The following DOCK8 variants were observed in gnomAD, a reference collection of about 807,000 sequenced individuals.
DOCK8 encodes the protein dedicator of cytokinesis 8, also known as dedicator of cytokinesis protein 8.
In DOCK8, 141 loss-of-function variants were observed where a neutral mutation model predicts 245.6. That is an observed-to-expected ratio of 0.57 (90% confidence interval 0.50 to 0.66). The LOEUF (loss-of-function observed/expected upper bound fraction) is 0.66. Among genes scored for constraint, DOCK8 ranks in the 30% least tolerant of loss-of-function variants. The pLI, the probability that DOCK8 is intolerant of heterozygous loss-of-function variation, is 0.00. For synonymous variants in DOCK8, 1,168 were observed against 970.2 expected (o/e 1.20, Z -3.79); for missense variants, 2,965 against 2,603.4 (o/e 1.14, Z -3.02).
At chr9:309,651 C>T (rs894483747) in intron 5 of DOCK8, among the ~76,000 whole-genome samples, 2 of 152,228 alleles carry the variant, frequency 1.3e-5, no homozygotes, top group African/African-American at 4.8e-5. Flanking sequence ...AAAGTGGACA[C>T]AGCTTGAATA....
At chr9:443,539 T>G (rs763224031) in intron 43 of DOCK8, 23 bp downstream of exon 43, 3 of 1,581,060 alleles carry the variant, frequency 1.9e-6, no homozygotes, top group South Asian at 2.2e-5. Flanking sequence ...TTACAAAAAC[T>G]AACCATCAAG....
In DOCK8 at chr9:328,941, CTTTTTTTTTTTTTT is replaced by C. The variant is rs1165346763; in HGVS notation, c.1044+783_1044+796del. On this transcript the variant is annotated intron_variant, in intron 9 of 47. Coordinates refer to ENST00000432829, the MANE Select transcript of DOCK8 (RefSeq NM_203447.4). ...GGCCAGATAATTGGTCTTATTGATT[CTTTTTTTTTTTTTT>C]TTTTTTTTTTTTGAGAGGAGTTTTG... is the stretch of plus-strand genomic sequence containing the variant. 5.3e-3 allele frequency among the ~76,000 whole-genome samples: 381 copies of C among 71,416 alleles called. 5 individuals carry two copies. The highest frequency in any genetic ancestry group is 0.021 in the African/African-American group (371 of 17,494). 46.9% of individuals were successfully genotyped at this position (71,416 alleles called of 152,430 possible).
chr9:331,475 T>C (rs1037035008), intron 9 of DOCK8, among the ~76,000 whole-genome samples: 16 of 152,354 alleles, frequency 1.1e-4, no homozygotes, highest in Admixed American at 8.5e-4. Flanking sequence ...TATTGTTAAA[T>C]ACTTTGTGCC....
intron 23 of DOCK8, among the ~76,000 whole-genome samples, chr9:387,606 T>G (rs1433358030): frequency 6.6e-6 from 1 of 152,042 alleles, no homozygotes; most frequent in African/African-American, 2.4e-5. Flanking sequence ...AAAGACCAAG[T>G]GTGGGAGGGC....
chr9:388,407 G>A (rs555175614), intron 23 of DOCK8, among the ~76,000 whole-genome samples: 19 of 152,230 alleles, frequency 1.2e-4, no homozygotes, highest in African/African-American at 4.6e-4. Flanking sequence ...CCACTAACCC[G>A]CCTGGGATCT....
chr9:292,231 A>G (rs1477332795), intron 4 of DOCK8, among the ~76,000 whole-genome samples: 2 of 151,216 alleles, frequency 1.3e-5, no homozygotes, highest in Non-Finnish European at 3.0e-5. Flanking sequence ...TTAACCGGGC[A>G]TGGTGGTGCA....
chr9:269,300 C>T (rs1425905318), intron 1 of DOCK8, among the ~76,000 whole-genome samples: 1 of 152,176 alleles, frequency 6.6e-6, no homozygotes, highest in African/African-American at 2.4e-5. Flanking sequence ...TATAAAGAAT[C>T]ATAGAACATG....
Position 392,153 on chromosome 9 carries a change from A to C in DOCK8, c.2970+1587A>C, listed in dbSNP as rs1405700657. Among the ~76,000 whole-genome samples, 11 of 150,532 alleles carry C rather than the reference A, an allele frequency of 7.3e-5. No homozygotes were observed. The East Asian group carries it at 1.5e-3, about 21-fold the overall frequency. ...AACTCCATCTAAAAAAAAAAAAAAA[A>C]GAGAGAGGGACTAAAGAGATGGGAG... On this transcript the variant is annotated intron_variant, in intron 24 of 47. Coordinates refer to ENST00000432829, the MANE Select transcript of DOCK8 (RefSeq NM_203447.4).
chr9:271,487 C>A (rs2048164324), intron 1 of DOCK8, 140 bp from the exon 2 acceptor site: 1 of 671,806 alleles, frequency 1.5e-6, no homozygotes, highest in Non-Finnish European at 2.6e-6. Context: ...TAACAGGCCA[C>A]TGAAAAGGTA....
intron 26 of DOCK8, among the ~76,000 whole-genome samples, chr9:403,043 C>G (rs969548291): frequency 6.6e-6 from 1 of 152,118 alleles, no homozygotes; most frequent in Non-Finnish European, 1.5e-5. Flanking sequence ...GTGTGTGGCA[C>G]CACTCCCCGC....
chr9:218,625 A>G (rs1237094346), intron 1 of DOCK8, among the ~76,000 whole-genome samples: 1 of 152,210 alleles, frequency 6.6e-6, no homozygotes, highest in African/African-American at 2.4e-5. Flanking sequence ...GCCTTTGTAG[A>G]TTATAAAAAT....
At chr9:462,018 A>G (rs2057820522) in intron 46 of DOCK8, among the ~76,000 whole-genome samples, 1 of 120,386 alleles carries the variant, frequency 8.3e-6, no homozygotes, top group African/African-American at 3.2e-5. Context: ...ACATTTTATT[A>G]CCTCTCTATA....
chr9:379,841 G>A lies in DOCK8; in HGVS notation c.2511G>A (p.Leu837=), dbSNP rs140248537. Residue 837 remains leucine (L), a synonymous_variant, in exon 21 of 48, where the codon CTG becomes CTA. Coordinates refer to ENST00000432829, the MANE Select transcript of DOCK8 (RefSeq NM_203447.4). ...ACAGTCTGCACAACAGCAAGGACCT[G>A]AGCAAGGACCAGCATGGGAGGAACT... The part of the protein sequence containing the change: ...IANSLHNSKD[L]SKDQHGRNCL... 2.9e-5 allele frequency: 47 copies of A among 1,614,226 alleles called. No individual in the cohort carries two copies. The African/African-American group carries it at 6.1e-4, about 21-fold the overall frequency.
Position 463,680 on chromosome 9 carries a change from CAA to C in DOCK8, c.6235_6236del (p.Lys2079GlufsTer8), listed in dbSNP as rs2057882133. ...CAAGCCAATATTCAGAGTTGAGAGTCAAAAGAGGTAAGAACAGGGCAGAGGAG... is the reference window on the plus strand; with the variant it reads ...CAAGCCAATATTCAGAGTTGAGAGTCAAGAGGTAAGAACAGGGCAGAGGAG... ...LYKPIFRVES[Q>X]KRDSFHRSSF... On this transcript the variant is annotated frameshift_variant, in exon 47 of 48. Transcript: ENST00000432829. LOFTEE classifies it high-confidence loss of function. 1 of 1,613,610 alleles carries C rather than the reference CAA, an allele frequency of 6.2e-7. No homozygotes were observed. The highest frequency in any genetic ancestry group is 1.3e-5 in the African/African-American group (1 of 74,904).
At chr9:277,465 A>AGGGGAGGGGAGGGGAGGGGAGGGGAGGG (rs2048395519) in intron 2 of DOCK8, among the ~76,000 whole-genome samples, 12 of 64,664 alleles carry the variant, frequency 1.9e-4, no homozygotes, top group African/African-American at 7.2e-4. Context: ...AAGAGAGAAG[A>AGGGGAGGGGAGGGGAGGGGAGGGGAGGG]GAAGAGAAGA....
chr9:409,893 G>A (rs1288447586), intron 28 of DOCK8, among the ~76,000 whole-genome samples: 2 of 152,066 alleles, frequency 1.3e-5, no homozygotes, highest in African/African-American at 2.4e-5. Context: ...TTTTATGGCT[G>A]CATAGTATTC....
intron 1 of DOCK8, among the ~76,000 whole-genome samples, chr9:251,547 A>G (rs2047646031): frequency 6.6e-6 from 1 of 152,076 alleles, no homozygotes; most frequent in Admixed American, 6.5e-5. Flanking sequence ...GGAAAATACC[A>G]GAAGTTTCAC....
chr9:432,440 A>G, intron 37 of DOCK8, 116 bp downstream of exon 37: 2 of 1,066,572 alleles, frequency 1.9e-6, no homozygotes, highest in Non-Finnish European at 2.7e-6. Flanking sequence ...ATTTGCAAGT[A>G]TTTATTGTCC....
Position 389,716 on chromosome 9 carries a change from G to C in DOCK8, c.2875-755G>C, listed in dbSNP as rs10973631. On this transcript the variant is annotated intron_variant, in intron 23 of 47. Coordinates refer to ENST00000432829, the MANE Select transcript of DOCK8 (RefSeq NM_203447.4). The stretch of plus-strand genomic sequence containing the variant: ...GTCTGTGTTTCATCAGGCCCTGCAG[G>C]AGATTCTGATACACAGAGGCCGGGC... 4.3e-3 allele frequency among the ~76,000 whole-genome samples: 649 copies of C among 152,204 alleles called. 5 individuals are homozygous for C. The highest frequency in any genetic ancestry group is 0.015 in the African/African-American group (627 of 41,524).
Sources: gnomAD v4.1 joint callset for allele counts (sites outside exome capture counted in the v4.1 genomes callset) on GRCh38, gnomAD v4.1.1 for gene constraint, MANE v1.5 for transcripts, NCBI Gene and HGNC (gene_info 2026-07-23, HGNC 2026-07-21) for gene names.